Variants in NKAIN2 observed in about 807,000 individuals in gnomAD.
The protein encoded by NKAIN2 is sodium/potassium-transporting ATPase subunit beta-1-interacting protein 2.
NKAIN2 carries 14 observed loss-of-function variants against 32.6 expected under a neutral mutation model. The observed-to-expected ratio is 0.43, with a 90% CI of 0.28 to 0.67. NKAIN2 has a LOEUF of 0.67. Ranked by LOEUF, NKAIN2 falls within the 30% of genes least tolerant of loss-of-function variation. NKAIN2 has a pLI of 0.17. For synonymous variants in NKAIN2, 80 were observed against 87.2 expected (o/e 0.92, Z 0.46); for missense variants, 198 against 258.3 (o/e 0.77, Z 1.60).
chr6:124,195,111 CATA>C (rs1460208055), intron 1 of NKAIN2, among the ~76,000 whole-genome samples: 4 of 149,628 alleles, frequency 2.7e-5, no homozygotes, highest in East Asian at 2.0e-4. Context: ...AATGTTTAAT[CATA>C]ATAAGTATTT....
chr6:124,509,788 T>A (rs1283341040), intron 3 of NKAIN2, among the ~76,000 whole-genome samples: 1 of 152,220 alleles, frequency 6.6e-6, no homozygotes, highest in African/African-American at 2.4e-5. Flanking sequence ...TCTCATGCGA[T>A]TGAACACAAT....
At chr6:124,440,632 G>A (rs1775647965) in intron 3 of NKAIN2, among the ~76,000 whole-genome samples, 1 of 152,058 alleles carries the variant, frequency 6.6e-6, no homozygotes, top group Admixed American at 6.6e-5. Flanking sequence ...ATGATTCCTT[G>A]ATCCACTGTG....
At chr6:124,088,488 CT>C (rs1380597767) in intron 1 of NKAIN2, among the ~76,000 whole-genome samples, 1 of 151,950 alleles carries the variant, frequency 6.6e-6, no homozygotes, top group East Asian at 1.9e-4. Flanking sequence ...TTAGAGGTGT[CT>C]TTATCAGTCA....
chr6:124,414,452 G>C (rs1276309576), intron 3 of NKAIN2, among the ~76,000 whole-genome samples: 1 of 152,020 alleles, frequency 6.6e-6, no homozygotes. Flanking sequence ...AGAGATATTG[G>C]TCTATAATTT....
chr6:124,171,334 C>T (rs1204397219), intron 1 of NKAIN2, among the ~76,000 whole-genome samples: 3 of 151,950 alleles, frequency 2.0e-5, no homozygotes, highest in Non-Finnish European at 1.5e-5. Flanking sequence ...TTCATCTCTT[C>T]ATTTTGACCA....
chr6:123,983,536 T>C (rs1307800374), intron 1 of NKAIN2, among the ~76,000 whole-genome samples: 6 of 152,190 alleles, frequency 3.9e-5, no homozygotes. Context: ...TAAGCATTAA[T>C]ATATCTGTTG....
intron 2 of NKAIN2, among the ~76,000 whole-genome samples, chr6:124,286,661 T>TGTGTGTGTGTGTGTGCGCGCGC: frequency 8.1e-6 from 1 of 123,186 alleles, no homozygotes; most frequent in Admixed American, 7.4e-5. Flanking sequence ...TGTGTGTGTG[T>TGTGTGTGTGTGTGTGCGCGCGC]GTGTGTGTGT....
intron 3 of NKAIN2, among the ~76,000 whole-genome samples, chr6:124,512,285 C>T (rs1778743901): frequency 6.6e-6 from 1 of 152,166 alleles, no homozygotes; most frequent in Non-Finnish European, 1.5e-5. Context: ...TATTTTATCT[C>T]TGCCGGAGGC....
intron 1 of NKAIN2, among the ~76,000 whole-genome samples, chr6:124,229,505 T>TAGATAGATAGAC (rs1792319195): frequency 7.2e-6 from 1 of 138,928 alleles, no homozygotes; most frequent in South Asian, 2.3e-4. Context: ...GATAGACAGA[T>TAGATAGATAGAC]AGATAGATAG....
intron 3 of NKAIN2, among the ~76,000 whole-genome samples, chr6:124,633,229 A>C (rs1299689596): frequency 2.6e-5 from 4 of 152,162 alleles, no homozygotes; most frequent in Non-Finnish European, 5.9e-5. Flanking sequence ...AACTTGATGC[A>C]GTTATATGTG....
chr6:124,525,729 A>T (rs1413788939), intron 3 of NKAIN2, among the ~76,000 whole-genome samples: 1 of 152,194 alleles, frequency 6.6e-6, no homozygotes, highest in African/African-American at 2.4e-5. Flanking sequence ...CTATTAAATT[A>T]CATATGTAGA....
intron 3 of NKAIN2, among the ~76,000 whole-genome samples, chr6:124,375,461 A>G (rs1799951436): frequency 6.9e-6 from 1 of 145,918 alleles, no homozygotes; most frequent in Non-Finnish European, 1.5e-5. Flanking sequence ...TATATTACAT[A>G]AACTAATGAA....
At chr6:124,165,781 C>T (rs1477378337) in intron 1 of NKAIN2, among the ~76,000 whole-genome samples, 1 of 148,030 alleles carries the variant, frequency 6.8e-6, no homozygotes, top group Admixed American at 6.8e-5. Flanking sequence ...GTTTTTTGTC[C>T]TTGCGATAGT....
chr6:124,136,155 A>T (rs1279986775), intron 1 of NKAIN2, among the ~76,000 whole-genome samples: 1 of 152,202 alleles, frequency 6.6e-6, no homozygotes, highest in Non-Finnish European at 1.5e-5. Flanking sequence ...AAAAGAGAAG[A>T]TACAAATAAG....
At chr6:124,183,176 C>T (rs1271674090) in intron 1 of NKAIN2, among the ~76,000 whole-genome samples, 2 of 151,710 alleles carry the variant, frequency 1.3e-5, no homozygotes, top group Non-Finnish European at 2.9e-5. Context: ...TTTTGCAGGT[C>T]TCAACATAAA....
At chr6:124,807,250 C>G (rs972737475) in intron 5 of NKAIN2, among the ~76,000 whole-genome samples, 2 of 152,186 alleles carry the variant, frequency 1.3e-5, no homozygotes, top group Non-Finnish European at 2.9e-5. Flanking sequence ...TAAAGCACTC[C>G]TCAGCACATG....
intron 1 of NKAIN2, among the ~76,000 whole-genome samples, chr6:123,843,185 C>CT (rs1467157393): frequency 2.6e-5 from 4 of 152,296 alleles, no homozygotes; most frequent in African/African-American, 9.6e-5. Flanking sequence ...GTGTGACAGA[C>CT]TTTTTGGGTT....
intron 3 of NKAIN2, among the ~76,000 whole-genome samples, chr6:124,642,380 T>C (rs2114361244): frequency 6.6e-6 from 1 of 152,328 alleles, no homozygotes; most frequent in Non-Finnish European, 1.5e-5. Flanking sequence ...TGGATTTGCA[T>C]AGATCTATAC....
chr6:124,773,600 C>A (rs1778856878), intron 4 of NKAIN2, among the ~76,000 whole-genome samples: 1 of 152,046 alleles, frequency 6.6e-6, no homozygotes, highest in Admixed American at 6.6e-5. Context: ...ATACCAGGTA[C>A]AAATTACAAG....
Sources: allele counts gnomAD v4.1 joint callset (sites outside exome capture counted in the v4.1 genomes callset), GRCh38; gene constraint gnomAD v4.1.1; transcripts MANE v1.5; gene names NCBI Gene and HGNC (gene_info 2026-07-23, HGNC 2026-07-21).